NUP188: variants seen among roughly 807,000 people sequenced by gnomAD.
NUP188 encodes nucleoporin 188, also known as nucleoporin NUP188.
In NUP188, 97 loss-of-function variants were observed where a neutral mutation model predicts 223.0. That is an observed-to-expected ratio of 0.43 (90% CI 0.37 to 0.51). The LOEUF (loss-of-function observed/expected upper bound fraction) is 0.51, where lower values mean the gene tolerates loss of function less well. Ranked by LOEUF, NUP188 falls within the 20% of genes least tolerant of loss-of-function variation. The pLI, the probability that NUP188 is intolerant of heterozygous loss-of-function variation, is 0.00. For missense variants in NUP188, 1,947 were observed against 2,175.6 expected (o/e 0.89, Z 2.09); for synonymous variants, 869 against 828.0 (o/e 1.05, Z -0.85).
At chr9:128,951,474 G>A (rs1327808175) in intron 2 of NUP188, among the ~76,000 whole-genome samples, 1 of 151,928 alleles carries the variant, frequency 6.6e-6, no homozygotes, top group Non-Finnish European at 1.5e-5. Context: ...ACAGGACCCT[G>A]TCTCAAAAAA....
chr9:128,950,230 T>TTTG (rs778540594), intron 2 of NUP188, among the ~76,000 whole-genome samples: 2 of 151,344 alleles, frequency 1.3e-5, no homozygotes, highest in Non-Finnish European at 2.9e-5. Context: ...GCTACGTTTT[T>TTTG]TTGTTGTTGT....
Position 128,982,950 on chromosome 9 carries a change from A to G in NUP188, c.1718A>G (p.His573Arg), listed in dbSNP as rs780130344. The change falls in exon 17 of 44, where the codon CAT (histidine) becomes CGT (arginine). Residue 573 changes from histidine to arginine, a missense_variant. His to Arg is a conservative substitution (Grantham distance 29). This residue lies in a region of NUP188 where 817 missense variants were observed against 865.8 expected (regional missense o/e 0.94). Coordinates refer to ENST00000372577, the MANE Select transcript of NUP188 (RefSeq NM_015354.3). ...QRVKPIIDLV[H>R]KVISTDLSIA... The stretch of plus-strand genomic sequence containing the variant: ...GTCAAACCCATCATTGATCTCGTCC[A>G]TAAGGTCATCAGTACAGACCTGTCG... The G allele has an allele frequency of 6.2e-5, 100 of 1,614,066 alleles. No homozygotes were observed. Among genetic ancestry groups the G allele is most frequent in the Non-Finnish European group, 8.2e-5 (97 of 1,180,032 alleles).
At chr9:128,974,754 C>T (rs1006874016) in intron 12 of NUP188, among the ~76,000 whole-genome samples, 1 of 151,682 alleles carries the variant, frequency 6.6e-6, no homozygotes, top group African/African-American at 2.4e-5. Flanking sequence ...ACACAAAAGC[C>T]CCCCAGAAAA....
chr9:128,980,799 T>A, intron 14 of NUP188, 74 bp downstream of exon 14: 1 of 1,523,392 alleles, frequency 6.6e-7, no homozygotes. Context: ...TCTTTTTTGC[T>A]TTCCACATTG....
At chr9:128,996,794 GCTCT>G (rs1842533788) in intron 30 of NUP188, among the ~76,000 whole-genome samples, 1 of 151,814 alleles carries the variant, frequency 6.6e-6, no homozygotes, top group South Asian at 2.1e-4. Flanking sequence ...AACCTATCTG[GCTCT>G]CTGTCTCACC....
intron 2 of NUP188, among the ~76,000 whole-genome samples, chr9:128,950,812 C>A (rs555680351): frequency 6.6e-6 from 1 of 152,082 alleles, no homozygotes. Context: ...GGAGACACAT[C>A]GAGACCCCAG....
chr9:128,961,346 A>C (rs971142462), intron 8 of NUP188, among the ~76,000 whole-genome samples: 6 of 149,838 alleles, frequency 4.0e-5, no homozygotes, highest in Admixed American at 6.7e-5. Flanking sequence ...ATAAAAATAA[A>C]AATAAAAATA....
chr9:128,960,362 C>A (rs912104429), intron 8 of NUP188, among the ~76,000 whole-genome samples: 7 of 152,022 alleles, frequency 4.6e-5, no homozygotes, highest in African/African-American at 1.7e-4. Context: ...TGAGCCACCG[C>A]GCCTGGCTAT....
chr9:129,006,561 C>G lies in NUP188; in HGVS notation c.5133C>G (p.Ala1711=), dbSNP rs1439577824. 6.2e-7 allele frequency: 1 copy of G among 1,614,220 alleles called. No homozygotes were observed. Among genetic ancestry groups the G allele is most frequent in the Admixed American group, 1.7e-5 (1 of 60,022 alleles). ...YFRRGAPSSP[A]TGVLPSPQGK... ...GCCGGGGAGCCCCCAGCTCCCCTGC[C>G]ACTGGTGTCCTCCCCTCGCCGCAGG... The change falls in exon 44 of 44, where the codon GCC becomes GCG. Residue 1711 remains alanine (A), a synonymous_variant. Transcript: ENST00000372577.
At chr9:128,968,468 G>A (rs1842061842) in intron 8 of NUP188, 38 bp from the exon 9 acceptor site, 2 of 1,501,350 alleles carry the variant, frequency 1.3e-6, no homozygotes, top group South Asian at 2.3e-5. Context: ...TTAATCTCAT[G>A]TTATTTCTCT....
chr9:128,950,559 G>A (rs1841768412), intron 2 of NUP188, among the ~76,000 whole-genome samples: 1 of 152,106 alleles, frequency 6.6e-6, no homozygotes, highest in South Asian at 2.1e-4. Flanking sequence ...TTATAAACGT[G>A]GTCAGATGCA....
intron 12 of NUP188, among the ~76,000 whole-genome samples, chr9:128,974,869 T>A (rs1368534215): frequency 6.6e-6 from 1 of 151,836 alleles, no homozygotes; most frequent in Non-Finnish European, 1.5e-5. Flanking sequence ...GATGATCCAT[T>A]CACCTTAACC....
Position 128,957,001 on chromosome 9 carries a change from A to T in NUP188, c.296A>T (p.Glu99Val), listed in dbSNP as rs1490813003. The T allele has an allele frequency of 1.9e-6, 3 of 1,613,004 alleles. No homozygotes were observed. Among genetic ancestry groups the T allele is most frequent in the Non-Finnish European group, 1.7e-6 (2 of 1,179,310 alleles). Reference protein sequence around the residue: ...SVQLLQCYLQEDYRGTRDSVK... With the variant: ...SVQLLQCYLQVDYRGTRDSVK... ...CAGTTACTCCAGTGTTACCTGCAAG[A>T]GGACTACAGGGGTACTCGGGACTCA... The change falls in exon 5 of 44, where the codon GAG becomes GTG. Residue 99 changes from glutamate (E) to valine (V), a missense_variant. By Grantham distance (121) the Glu-to-Val change is moderately radical (BLOSUM62 -2). Transcript: ENST00000372577.
At position 128,957,976 on chromosome 9, in the gene NUP188, G is replaced by T. The variant is rs878951268; in HGVS notation, c.328-34G>T. 9 of 1,573,306 alleles carry T rather than the reference G, an allele frequency of 5.7e-6. No homozygotes were observed. In the Admixed American group the frequency reaches 1.5e-4, roughly 26 times the overall value. On this transcript the variant is annotated intron_variant, in intron 5 of 43. Transcript: ENST00000372577. ...TTTATTACTTGAGTTTTGCCTAAAA[G>T]ATGGCCTCTTAACTGCTCTGTTTTT... is the stretch of plus-strand genomic sequence containing the variant.
At chr9:128,975,043 G>A (rs1017709363) in intron 12 of NUP188, among the ~76,000 whole-genome samples, 10 of 152,032 alleles carry the variant, frequency 6.6e-5, no homozygotes, top group Non-Finnish European at 1.0e-4. Flanking sequence ...TTATAGGTGT[G>A]AGCCACTATG....
At position 128,993,218 on chromosome 9, in the gene NUP188, G is replaced by A; in HGVS notation, c.2662G>A (p.Ala888Thr). 6.2e-7 allele frequency: 1 copy of A among 1,614,182 alleles called. No homozygotes were observed. The highest frequency in any genetic ancestry group is 8.5e-7 in the Non-Finnish European group (1 of 1,180,006). The change falls in exon 26 of 44, where the codon GCT (alanine) becomes ACT (threonine). Residue 888 changes from alanine (A) to threonine (T), a missense_variant. Coordinates refer to ENST00000372577, the MANE Select transcript of NUP188 (RefSeq NM_015354.3). The part of the protein sequence containing the change: ...LATVAPMSVY[A>T]CLGNDAAAIR... Reference sequence around the variant, plus strand: ...CCAGGTGGCCCCAATGTCAGTGTATGCTTGTCTGGGCAATGATGCGGCTGC... The same window carrying A: ...CCAGGTGGCCCCAATGTCAGTGTATACTTGTCTGGGCAATGATGCGGCTGC...
intron 3 of NUP188, among the ~76,000 whole-genome samples, chr9:128,953,153 A>G (rs540448596): frequency 1.3e-5 from 2 of 152,144 alleles, no homozygotes; most frequent in Non-Finnish European, 2.9e-5. Flanking sequence ...TGTGAGTACT[A>G]ATTGGTGGGA....
intron 41 of NUP188, 33 bp from the exon 42 acceptor site, chr9:129,006,017 T>G (rs1842789729): frequency 1.2e-6 from 2 of 1,611,618 alleles, no homozygotes; most frequent in African/African-American, 1.3e-5. Flanking sequence ...GCTGTTCCTG[T>G]TGTCTTAGTT....
intron 15 of NUP188, 106 bp from the exon 16 acceptor site, chr9:128,982,443 C>T (rs373040668): frequency 5.7e-6 from 6 of 1,054,708 alleles, no homozygotes; most frequent in East Asian, 2.5e-5. Flanking sequence ...AAAAAAATGT[C>T]TGTGAGTTTG....
Sources: gnomAD v4.1 joint callset for allele counts (sites outside exome capture counted in the v4.1 genomes callset) on GRCh38, gnomAD v4.1.1 for gene constraint, gnomAD v4.1.1 regional missense constraint, MANE v1.5 for transcripts, NCBI Gene and HGNC (gene_info 2026-07-23, HGNC 2026-07-21) for gene names.